Variants in CHSY3 observed in about 807,000 individuals in gnomAD.
The protein encoded by CHSY3 is chondroitin sulfate synthase 3.
CHSY3 carries 35 observed loss-of-function variants against 67.2 expected under a neutral mutation model. The observed-to-expected ratio is 0.52, with a 90% CI of 0.40 to 0.69. The LOEUF (loss-of-function observed/expected upper bound fraction) is 0.69. Ranked by LOEUF, CHSY3 falls within the 30% of genes least tolerant of loss-of-function variation. CHSY3 has a pLI of 0.00. For synonymous variants in CHSY3, 474 were observed against 434.7 expected, an observed-to-expected ratio of 1.09 and a Z score of -1.12; for missense variants, 1,069 against 1,138.5, an observed-to-expected ratio of 0.94 and a Z score of 0.88.
chr5:130,133,950 A>G (rs965917824), intron 2 of CHSY3, among the ~76,000 whole-genome samples: 1 of 152,144 alleles, frequency 6.6e-6, no homozygotes, highest in Admixed American at 6.6e-5. Flanking sequence ...CATAAAAACT[A>G]TACCAGATTA....
At chr5:130,098,478 C>T (rs1767123797) in intron 2 of CHSY3, among the ~76,000 whole-genome samples, 2 of 152,334 alleles carry the variant, frequency 1.3e-5, no homozygotes, top group Middle Eastern at 3.4e-3. Context: ...CTCACTCTCT[C>T]TGCCCCATGC....
intron 2 of CHSY3, among the ~76,000 whole-genome samples, chr5:129,931,289 C>T (rs952409687): frequency 6.6e-6 from 1 of 151,966 alleles, no homozygotes; most frequent in African/African-American, 2.4e-5. Context: ...TTTCTTCCAG[C>T]GTAGCTCTAA....
chr5:130,117,327 G>A (rs540551685), intron 2 of CHSY3, among the ~76,000 whole-genome samples: 1 of 152,322 alleles, frequency 6.6e-6, no homozygotes, highest in East Asian at 1.9e-4. Flanking sequence ...GTTGATAGAA[G>A]AAATGTTGGA....
intron 2 of CHSY3, among the ~76,000 whole-genome samples, chr5:129,963,951 A>G (rs1382627791): frequency 1.3e-5 from 2 of 151,958 alleles, no homozygotes; most frequent in East Asian, 3.9e-4. Context: ...CATGTCCTGT[A>G]ATTCACTTGG....
chr5:129,946,499 A>G (rs1444466481), intron 2 of CHSY3, among the ~76,000 whole-genome samples: 3 of 152,230 alleles, frequency 2.0e-5, no homozygotes, highest in African/African-American at 7.2e-5. Context: ...GTTTTAATCT[A>G]TAATTTCCAT....
At chr5:130,101,951 GTA>G (rs1337114896) in intron 2 of CHSY3, among the ~76,000 whole-genome samples, 24 of 151,998 alleles carry the variant, frequency 1.6e-4, no homozygotes, top group Non-Finnish European at 3.4e-4. Flanking sequence ...AAGCATTGTT[GTA>G]CTTTTGTATT....
intron 2 of CHSY3, among the ~76,000 whole-genome samples, chr5:130,040,434 GTAA>G (rs2149664981): frequency 6.6e-6 from 1 of 152,168 alleles, no homozygotes; most frequent in East Asian, 1.9e-4. Flanking sequence ...GTTCATACAT[GTAA>G]TAATATGTAT....
intron 2 of CHSY3, among the ~76,000 whole-genome samples, chr5:130,171,019 A>C (rs1158113093): frequency 6.6e-6 from 1 of 152,172 alleles, no homozygotes; most frequent in Non-Finnish European, 1.5e-5. Context: ...ACATGAATAA[A>C]GGGTGTGTGC....
At chr5:130,042,000 G>A (rs1458921273) in intron 2 of CHSY3, among the ~76,000 whole-genome samples, 1 of 152,026 alleles carries the variant, frequency 6.6e-6, no homozygotes, top group Non-Finnish European at 1.5e-5. Flanking sequence ...GCATTTTGGG[G>A]GAGGTAGGAG....
chr5:130,010,586 C>T lies in CHSY3; in HGVS notation c.1086+102226C>T, dbSNP rs551364296. Among the ~76,000 whole-genome samples the T allele has an allele frequency of 4.6e-5, 7 of 152,098 alleles. No homozygotes were observed. In the South Asian group the frequency reaches 1.5e-3, roughly 32 times the overall value. On this transcript the variant is annotated intron_variant, in intron 2 of 2. Transcript: ENST00000305031. ...ATCACACCTAAAGGAATTAAAGAAA[C>T]AAGAGCAAACAAAGCCCAAAGCTGG...
At chr5:129,927,569 G>T (rs942406170) in intron 2 of CHSY3, among the ~76,000 whole-genome samples, 1 of 151,938 alleles carries the variant, frequency 6.6e-6, no homozygotes, top group Non-Finnish European at 1.5e-5. Context: ...ATCAAATTTG[G>T]CAGACAACTG....
At chr5:129,912,080 A>AAC (rs1760579281) in intron 2 of CHSY3, among the ~76,000 whole-genome samples, 1 of 151,876 alleles carries the variant, frequency 6.6e-6, no homozygotes, top group Non-Finnish European at 1.5e-5. Context: ...ACAACAACAA[A>AAC]AAAACTTACT....
chr5:129,966,312 G>A (rs150794104), intron 2 of CHSY3, among the ~76,000 whole-genome samples: 269 of 151,904 alleles, frequency 1.8e-3, no homozygotes, highest in African/African-American at 6.0e-3. Context: ...AAATAAGGCC[G>A]CATTTTCAGT....
intron 2 of CHSY3, among the ~76,000 whole-genome samples, chr5:129,941,613 G>C (rs1054305771): frequency 6.6e-6 from 1 of 152,128 alleles, no homozygotes; most frequent in African/African-American, 2.4e-5. Flanking sequence ...GATTACCAGA[G>C]AGTGTCTGTC....
chr5:129,912,068 C>A (rs1561451117), intron 2 of CHSY3, among the ~76,000 whole-genome samples: 1 of 151,870 alleles, frequency 6.6e-6, no homozygotes, highest in Admixed American at 6.6e-5. Context: ...AACAAACAAA[C>A]AACAACAACA....
At chr5:130,129,060 A>G (rs1033492017) in intron 2 of CHSY3, among the ~76,000 whole-genome samples, 2 of 152,144 alleles carry the variant, frequency 1.3e-5, no homozygotes, top group Admixed American at 1.3e-4. Flanking sequence ...AGTGATGCAC[A>G]TAGAAACTAG....
At chr5:129,991,588 G>A (rs1157297190) in intron 2 of CHSY3, among the ~76,000 whole-genome samples, 1 of 152,124 alleles carries the variant, frequency 6.6e-6, no homozygotes, top group African/African-American at 2.4e-5. Context: ...GCTTGAGTTT[G>A]TCCTAAAGTT....
chr5:129,960,657 G>C (rs902178535), intron 2 of CHSY3, among the ~76,000 whole-genome samples: 1 of 151,602 alleles, frequency 6.6e-6, no homozygotes, highest in Non-Finnish European at 1.5e-5. Context: ...CTGATAATTT[G>C]GTAAATATGA....
intron 2 of CHSY3, among the ~76,000 whole-genome samples, chr5:129,972,738 TA>T (rs1244626394): frequency 6.6e-6 from 1 of 152,018 alleles, no homozygotes; most frequent in African/African-American, 2.4e-5. Flanking sequence ...ACCAGACCTA[TA>T]ATAGGCAAGA....
Sources: gnomAD v4.1 joint callset for allele counts (sites outside exome capture counted in the v4.1 genomes callset) on GRCh38, gnomAD v4.1.1 for gene constraint, MANE v1.5 for transcripts, NCBI Gene and HGNC (gene_info 2026-07-23, HGNC 2026-07-21) for gene names.